The following ITGB8 variants were observed in gnomAD, a reference collection of about 807,000 sequenced individuals.
The protein encoded by ITGB8 is integrin beta-8.
ITGB8 carries 30 observed loss-of-function variants against 89.5 expected under a neutral mutation model. The observed-to-expected ratio is 0.34, with a 90% CI of 0.25 to 0.45. ITGB8 has a LOEUF of 0.45. Among genes scored for constraint, ITGB8 ranks in the 20% least tolerant of loss-of-function variants. ITGB8 has a pLI of 1.00. For missense variants in ITGB8, 836 were observed against 933.3 expected (o/e 0.90, Z 1.36); for synonymous variants, 335 against 320.4 (o/e 1.05, Z -0.49).
At chr7:20,390,169 A>G (rs1786796994) in intron 6 of ITGB8, among the ~76,000 whole-genome samples, 1 of 152,164 alleles carries the variant, frequency 6.6e-6, no homozygotes, top group African/African-American at 2.4e-5. Context: ...TACAGTTAAC[A>G]TTGGAGAGTG....
Position 20,379,043 on chromosome 7 carries a change from T to C in ITGB8, c.389-8T>C, listed in dbSNP as rs370095322. 41 of 1,568,086 alleles carry C rather than the reference T, an allele frequency of 2.6e-5. No individual in the cohort carries two copies. Among genetic ancestry groups the C allele is most frequent in the Non-Finnish European group, 3.4e-5 (39 of 1,160,056 alleles). On this transcript the variant is annotated splice_polypyrimidine_tract_variant and splice_region_variant and intron_variant, in intron 3 of 13. Transcript: ENST00000222573. ...AGACTACATGATGTTTTTCTTCTATTGAACTAGGAGCCGAAGCTAATTTTA... is the reference window on the plus strand; with the variant it reads ...AGACTACATGATGTTTTTCTTCTATCGAACTAGGAGCCGAAGCTAATTTTA...
intron 6 of ITGB8, among the ~76,000 whole-genome samples, chr7:20,388,737 T>C (rs1786732501): frequency 6.6e-6 from 1 of 152,158 alleles, no homozygotes; most frequent in Non-Finnish European, 1.5e-5. Context: ...GCTGTAACCA[T>C]CAACCCATCA....
At chr7:20,340,149 G>A (rs780765503) in intron 1 of ITGB8, among the ~76,000 whole-genome samples, 24 of 152,156 alleles carry the variant, frequency 1.6e-4, no homozygotes, top group Non-Finnish European at 2.9e-4. Flanking sequence ...TTAGACGTGC[G>A]CTATCTCTGC....
rs751222402 is a variant in ITGB8 at position 20,398,925 on chromosome 7, C to T, written c.1212C>T (p.Thr404=). The change falls in exon 9 of 14, where the codon ACC becomes ACT. Residue 404 remains threonine (T), a synonymous_variant. Coordinates refer to ENST00000222573, the MANE Select transcript of ITGB8 (RefSeq NM_002214.3). The stretch of plus-strand genomic sequence containing the variant: ...TACAAGGCATCTATTTTAACATTAC[C>T]GCCATCTGTCCAGATGGGTCCAGAA... ...NQVQGIYFNI[T]AICPDGSRKP... The T allele has an allele frequency of 4.8e-5, 78 of 1,609,576 alleles. 2 individuals carry two copies. In the South Asian group the frequency reaches 5.8e-4, roughly 12 times the overall value.
chr7:20,391,609 A>G (rs1048600353), intron 7 of ITGB8, 111 bp downstream of exon 7: 2 of 535,888 alleles, frequency 3.7e-6, no homozygotes, highest in Non-Finnish European at 6.6e-6. Flanking sequence ...ACTTTGTACA[A>G]TCTAAATTCT....
rs563821318 is a variant in ITGB8, at chr7:20,412,524, C to G, written c.*2527C>G. 1 of 152,618 alleles carries G rather than the reference C, an allele frequency of 6.6e-6. No individual in the cohort carries two copies. Among genetic ancestry groups the G allele is most frequent in the Admixed American group, 6.5e-5 (1 of 15,282 alleles). 9.5% of individuals were successfully genotyped at this position (152,618 alleles called of 1,614,324 possible). On this transcript the variant is annotated 3_prime_UTR_variant, in exon 14 of 14. Transcript: ENST00000222573. ...AAAAAGAGTATAACAAAATGAAATCCTTAAAAATCCAGAGTTTATATTTTT... is the reference window on the plus strand; with the variant it reads ...AAAAAGAGTATAACAAAATGAAATCGTTAAAAATCCAGAGTTTATATTTTT...
rs1470063589 is a variant in ITGB8 at position 20,409,595 on chromosome 7, A to G, written c.2024-20A>G. 1 of 1,553,192 alleles carries G rather than the reference A, an allele frequency of 6.4e-7. No homozygotes were observed. The highest frequency in any genetic ancestry group is 8.7e-7 in the Non-Finnish European group (1 of 1,145,922). ...ACTTATTCCAATTTTTAATCCATTT[A>G]TTTGTTTGCTTCATTACAGAATGTT... On this transcript the variant is annotated intron_variant, in intron 12 of 13. Transcript: ENST00000222573.
intron 2 of ITGB8, among the ~76,000 whole-genome samples, chr7:20,364,420 G>T (rs1277685025): frequency 1.3e-5 from 2 of 152,140 alleles, no homozygotes; most frequent in African/African-American, 4.8e-5. Flanking sequence ...CTTAACAACT[G>T]TGCCTACTGT....
In ITGB8 at chr7:20,401,793, C is replaced by T; in HGVS notation, c.1354C>T (p.Pro452Ser). 6.2e-7 allele frequency: 1 copy of T among 1,610,572 alleles called. No homozygotes were observed. The highest frequency in any genetic ancestry group is 8.5e-7 in the Non-Finnish European group (1 of 1,179,056). The change falls in exon 10 of 14, where the codon CCT becomes TCT. Residue 452 changes from proline to serine, a missense_variant. Pro to Ser is a moderately conservative substitution (Grantham distance 74). Transcript: ENST00000222573. ...AGGAAAAAACTATGCAATAATCAAACCTATTGGTTTTAATGAAACCGCTAA... is the reference window on the plus strand; with the variant it reads ...AGGAAAAAACTATGCAATAATCAAATCTATTGGTTTTAATGAAACCGCTAA... ...TGGKNYAIIK[P>S]IGFNETAKIH...
At chr7:20,397,524 C>T (rs1787137267) in intron 8 of ITGB8, among the ~76,000 whole-genome samples, 1 of 152,194 alleles carries the variant, frequency 6.6e-6, no homozygotes, top group Non-Finnish European at 1.5e-5. Flanking sequence ...CCACACCAGG[C>T]CAACTAAGAT....
At chr7:20,385,792 A>G (rs1786586802) in intron 6 of ITGB8, among the ~76,000 whole-genome samples, 1 of 134,694 alleles carries the variant, frequency 7.4e-6, no homozygotes, top group Admixed American at 7.1e-5. Context: ...AATGTAATCC[A>G]TAACTTTGCT....
chr7:20,364,150 T>G (rs1240409699), intron 2 of ITGB8, among the ~76,000 whole-genome samples: 1 of 152,166 alleles, frequency 6.6e-6, no homozygotes, highest in Non-Finnish European at 1.5e-5. Context: ...AGTAAAACAA[T>G]TACAATGCAT....
intron 1 of ITGB8, among the ~76,000 whole-genome samples, chr7:20,349,529 A>AT: frequency 6.6e-6 from 1 of 152,208 alleles, no homozygotes; most frequent in Admixed American, 6.5e-5. Flanking sequence ...TAAGTTTTGA[A>AT]TTTGAAAAGA....
At position 20,362,862 on chromosome 7, in the gene ITGB8, A is replaced by G. The variant is rs528412181; in HGVS notation, c.128-775A>G. Among the ~76,000 whole-genome samples, 8 of 152,314 alleles carry G rather than the reference A, an allele frequency of 5.3e-5. No homozygotes were observed. In the East Asian group the frequency reaches 1.5e-3, roughly 29 times the overall value. On this transcript the variant is annotated intron_variant, in intron 1 of 13. Transcript: ENST00000222573. ...TAATGAGCCTTATTTTAATTGTTTC[A>G]GCAGTTAGTGGATGGAGGGATAAAG...
chr7:20,333,377 C>T (rs1019138649), intron 1 of ITGB8, among the ~76,000 whole-genome samples: 7 of 152,116 alleles, frequency 4.6e-5, no homozygotes, highest in African/African-American at 1.7e-4. Context: ...AAGAAACATG[C>T]ATTTGTTGCA....
At chr7:20,354,630 A>T (rs1785228156) in intron 1 of ITGB8, among the ~76,000 whole-genome samples, 2 of 152,152 alleles carry the variant, frequency 1.3e-5, no homozygotes, top group Non-Finnish European at 2.9e-5. Context: ...GGCTTCTATG[A>T]GACAAGTTCC....
chr7:20,336,278 T>C (rs868579939), intron 1 of ITGB8, among the ~76,000 whole-genome samples: 1 of 152,216 alleles, frequency 6.6e-6, no homozygotes, highest in Non-Finnish European at 1.5e-5. Context: ...GTGCTGGGCT[T>C]ACAGGCGTGA....
At position 20,367,203 on chromosome 7, in the gene ITGB8, A is replaced by C; in HGVS notation, c.388+17A>C. On this transcript the variant is annotated intron_variant, in intron 3 of 13. Coordinates refer to ENST00000222573, the MANE Select transcript of ITGB8 (RefSeq NM_002214.3). Reference sequence around the variant, plus strand: ...TGCGTCCAGGTTTGGTCATTTTCAAATAAATCTATAATGATTCTTAACTTG... The same window carrying C: ...TGCGTCCAGGTTTGGTCATTTTCAACTAAATCTATAATGATTCTTAACTTG... 1 of 1,549,366 alleles carries C rather than the reference A, an allele frequency of 6.5e-7. No homozygotes were observed. The highest frequency in any genetic ancestry group is 1.4e-5 in the African/African-American group (1 of 73,052).
chr7:20,374,416 G>T (rs1786051153), intron 3 of ITGB8, among the ~76,000 whole-genome samples: 1 of 150,872 alleles, frequency 6.6e-6, no homozygotes, highest in Non-Finnish European at 1.5e-5. Context: ...ACTAACATAT[G>T]CATTTACTAT....
Sources: allele counts gnomAD v4.1 joint callset (sites outside exome capture counted in the v4.1 genomes callset), GRCh38; gene constraint gnomAD v4.1.1; transcripts MANE v1.5; gene names NCBI Gene and HGNC (gene_info 2026-07-23, HGNC 2026-07-21).